EXOC2: variants seen among roughly 807,000 people sequenced by gnomAD.
EXOC2 encodes SEC5-like 1.
EXOC2 carries 70 observed loss-of-function variants against 131.8 expected under a neutral mutation model. That is an observed-to-expected ratio of 0.53 (90% CI 0.44 to 0.65). The LOEUF is 0.65. Among genes scored for constraint, EXOC2 ranks in the 30% least tolerant of loss-of-function variants. The pLI, the probability that EXOC2 is intolerant of heterozygous loss-of-function variation, is 0.00. For missense variants in EXOC2, 923 were observed against 1,108.6 expected (o/e 0.83, Z 2.38); for synonymous variants, 411 against 398.4 (o/e 1.03, Z -0.38).
At chr6:527,901 AAAT>A (rs200725444) in intron 23 of EXOC2, among the ~76,000 whole-genome samples, 9,140 of 29,820 alleles carry the variant, frequency 0.31, 342 homozygotes, top group East Asian at 0.49. Context: ...CAGAAAACTT[AAAT>A]AATACTTTTT....
rs185849211 is a variant in EXOC2 at position 677,116 on chromosome 6, G to A, written c.-44+15903C>T. Among the ~76,000 whole-genome samples the A allele has an allele frequency of 4.8e-5, 3 of 62,090 alleles. 1 individual carries two copies. The highest frequency in any genetic ancestry group is 1.3e-4 in the African/African-American group (3 of 22,934). The allele number at this position is 62,090 out of a possible 152,430, so 40.7% of individuals were successfully genotyped here. A position where few individuals can be genotyped will look rare whatever the true frequency, so the allele number is the denominator to read the frequency against. On this transcript the variant is annotated intron_variant, in intron 1 of 27. Transcript: ENST00000230449. ...AAGGACAGCTTTCTCTGGAGACTGC[G>A]GTTTCCCATACTCTTCAACATTACG...
chr6:569,769 TAGAC>T (rs1758167073), intron 13 of EXOC2, among the ~76,000 whole-genome samples: 1 of 152,234 alleles, frequency 6.6e-6, no homozygotes. Flanking sequence ...TTTATAAACA[TAGAC>T]AGGTAGACAC....
chr6:563,069 G>C (rs1351327480), intron 16 of EXOC2, among the ~76,000 whole-genome samples: 1 of 152,212 alleles, frequency 6.6e-6, no homozygotes, highest in Admixed American at 6.5e-5. Flanking sequence ...AGTTTTTACT[G>C]TATAGCCCAA....
At chr6:636,277 A>G (rs1212742) in intron 2 of EXOC2, among the ~76,000 whole-genome samples, 107,644 of 152,072 alleles carry the variant, frequency 0.71, 38,758 homozygotes, top group Middle Eastern at 0.88. Context: ...GTAAAGAAAC[A>G]TCTGGAATGA....
At chr6:529,366 G>GT (rs1765934790) in intron 23 of EXOC2, among the ~76,000 whole-genome samples, 1 of 151,610 alleles carries the variant, frequency 6.6e-6, no homozygotes, top group Admixed American at 6.6e-5. Flanking sequence ...ATGCCTCGCT[G>GT]TTTGTTAACG....
chr6:649,189 C>T (rs1377516585), intron 1 of EXOC2, among the ~76,000 whole-genome samples: 1 of 152,142 alleles, frequency 6.6e-6, no homozygotes, highest in African/African-American at 2.4e-5. Context: ...TGTGCCCGGC[C>T]ACAAACTAAT....
chr6:500,267 G>T (rs1349320043), intron 23 of EXOC2, among the ~76,000 whole-genome samples: 1 of 152,160 alleles, frequency 6.6e-6, no homozygotes, highest in East Asian at 1.9e-4. Flanking sequence ...ACTTTTAGGA[G>T]AAACTCCTTA....
intron 7 of EXOC2, among the ~76,000 whole-genome samples, chr6:607,107 G>C (rs1318392501): frequency 1.3e-5 from 2 of 152,188 alleles, no homozygotes; most frequent in Non-Finnish European, 2.9e-5. Flanking sequence ...AGGGCTGGAG[G>C]GGAACTGTAC....
chr6:660,943 T>C (rs1237462671), intron 1 of EXOC2, among the ~76,000 whole-genome samples: 1 of 152,056 alleles, frequency 6.6e-6, no homozygotes, highest in African/African-American at 2.4e-5. Flanking sequence ...AGGAAATAGA[T>C]AGCTTAAAGA....
intron 10 of EXOC2, among the ~76,000 whole-genome samples, chr6:595,033 T>C (rs1759737141): frequency 6.6e-6 from 1 of 150,536 alleles, no homozygotes. Context: ...TTTAGTCATA[T>C]TCTGACATGA....
chr6:529,248 A>C lies in EXOC2; in HGVS notation c.2380+3221T>G, dbSNP rs970118060. 2.0e-5 allele frequency among the ~76,000 whole-genome samples: 3 copies of C among 152,214 alleles called. No individual in the cohort carries two copies. In the East Asian group the frequency reaches 5.8e-4, roughly 29 times the overall value. On this transcript the variant is annotated intron_variant, in intron 23 of 27. Transcript: ENST00000230449. ...CGCCCTTCAGGGAATGGGCCTTCAT[A>C]GATGTCTGTTTTCCGAAGACACCTT...
chr6:686,152 C>A (rs1294582018), intron 1 of EXOC2, among the ~76,000 whole-genome samples: 3 of 151,764 alleles, frequency 2.0e-5, no homozygotes, highest in South Asian at 2.1e-4. Flanking sequence ...TTAGTAGAGA[C>A]GGGGTTTCAT....
At chr6:655,751 T>C (rs1763043873) in intron 1 of EXOC2, among the ~76,000 whole-genome samples, 1 of 152,176 alleles carries the variant, frequency 6.6e-6, no homozygotes, top group Non-Finnish European at 1.5e-5. Flanking sequence ...AAAGGAGAAC[T>C]TTCCCGCTTT....
chr6:513,280 C>T (rs1764959425), intron 23 of EXOC2, among the ~76,000 whole-genome samples: 1 of 152,244 alleles, frequency 6.6e-6, no homozygotes, highest in African/African-American at 2.4e-5. Context: ...ACGTGCAGTG[C>T]GGCTGCACAC....
chr6:565,242 C>T (rs1180328094), intron 13 of EXOC2, among the ~76,000 whole-genome samples: 2 of 152,198 alleles, frequency 1.3e-5, no homozygotes, highest in Non-Finnish European at 2.9e-5. Flanking sequence ...TATGGTTAAA[C>T]CATCAGGTAT....
At chr6:558,243 C>A (rs1330659734) in intron 17 of EXOC2, among the ~76,000 whole-genome samples, 1 of 152,168 alleles carries the variant, frequency 6.6e-6, no homozygotes, top group Non-Finnish European at 1.5e-5. Context: ...AGTGCCTCAG[C>A]TTTAATGTCA....
rs1412462931 is a variant in EXOC2 at position 556,447 on chromosome 6, T to C, written c.1932+37A>G. The C allele has an allele frequency of 6.2e-6, 10 of 1,604,506 alleles. No homozygotes were observed. In the Admixed American group the frequency reaches 6.8e-5, roughly 11 times the overall value. On this transcript the variant is annotated intron_variant, in intron 18 of 27. Transcript: ENST00000230449. ...TACAACTATGATTCCCAAGGCTCCC[T>C]GGGAAACTGGAGTCCAAGCGGAGCT...
At chr6:617,680 T>TA in intron 6 of EXOC2, 31 bp downstream of exon 6, 8 of 1,600,688 alleles carry the variant, frequency 5.0e-6, no homozygotes, top group Non-Finnish European at 6.8e-6. Context: ...TGGCGGAAGC[T>TA]GCCAGCAGAT....
chr6:511,915 T>C (rs1371475810), intron 23 of EXOC2, among the ~76,000 whole-genome samples: 2 of 152,284 alleles, frequency 1.3e-5, no homozygotes, highest in African/African-American at 4.8e-5. Context: ...CCACATCTGT[T>C]GCTTCGTGCC....
Sources: allele counts gnomAD v4.1 joint callset (sites outside exome capture counted in the v4.1 genomes callset), GRCh38; gene constraint gnomAD v4.1.1; transcripts MANE v1.5; gene names NCBI Gene and HGNC (gene_info 2026-07-23, HGNC 2026-07-21).